Variants in LRRC4C observed in about 807,000 individuals in gnomAD.
LRRC4C encodes leucine rich repeat containing 4C.
Under a neutral mutation model 33.6 loss-of-function variants are expected in LRRC4C, and 5 were observed. That is an observed-to-expected ratio of 0.15 (90% CI 0.08 to 0.31). The LOEUF (loss-of-function observed/expected upper bound fraction) is 0.31. Ranked by LOEUF, LRRC4C falls within the 10% of genes least tolerant of loss-of-function variation. The probability of loss-of-function intolerance (pLI) is 1.00; values close to 1 mark genes in which losing one functional copy is unlikely to be tolerated. For synonymous variants in LRRC4C, 329 were observed against 302.0 expected (o/e 1.09, Z -0.93); for missense variants, 560 against 796.7 (o/e 0.70, Z 3.58).
intron 3 of LRRC4C, among the ~76,000 whole-genome samples, chr11:40,557,729 G>T (rs1002851929): frequency 1.3e-5 from 2 of 151,898 alleles, no homozygotes; most frequent in African/African-American, 2.4e-5. Flanking sequence ...TTAATAGGTA[G>T]TTATTTTTAA....
chr11:40,671,914 T>C (rs1469998923), intron 2 of LRRC4C, among the ~76,000 whole-genome samples: 1 of 152,160 alleles, frequency 6.6e-6, no homozygotes, highest in Non-Finnish European at 1.5e-5. Flanking sequence ...TCTGTCTTAC[T>C]TTCTAAGCAT....
chr11:40,605,869 T>TG (rs1265683048), intron 3 of LRRC4C, among the ~76,000 whole-genome samples: 15 of 152,242 alleles, frequency 9.9e-5, no homozygotes, highest in African/African-American at 3.6e-4. Context: ...AGATAAATAA[T>TG]GGAAGTGTGG....
intron 2 of LRRC4C, among the ~76,000 whole-genome samples, chr11:40,751,785 C>T (rs183938800): frequency 1.3e-5 from 2 of 152,102 alleles, no homozygotes; most frequent in East Asian, 3.9e-4. Context: ...AAAAAGGAGC[C>T]TAAATAGCCA....
chr11:40,128,989 C>T (rs1352814121), intron 6 of LRRC4C, among the ~76,000 whole-genome samples: 2 of 152,142 alleles, frequency 1.3e-5, no homozygotes, highest in Admixed American at 1.3e-4. Context: ...TTCTTACTGC[C>T]TGTCTCACCT....
rs960956930 is a variant in LRRC4C, at chr11:40,703,441, T to G, written c.-406-55163A>C. Among the ~76,000 whole-genome samples, 10 of 152,138 alleles carry G rather than the reference T, an allele frequency of 6.6e-5. No homozygotes were observed. The Middle Eastern group carries it at 0.01, about 155-fold the overall frequency. On this transcript the variant is annotated intron_variant, in intron 2 of 6. Transcript: ENST00000528697. ...AAAAATATAAAAAATTAGCTGAATG[T>G]GGTAATGGGTGCCTGTAGTTCCAGC...
chr11:40,581,942 CTATA>C (rs1482458564), intron 3 of LRRC4C, among the ~76,000 whole-genome samples: 1 of 151,844 alleles, frequency 6.6e-6, no homozygotes, highest in East Asian at 1.9e-4. Context: ...AAGAATAAAA[CTATA>C]TGTGTGAAAA....
intron 2 of LRRC4C, among the ~76,000 whole-genome samples, chr11:40,731,672 A>G (rs1338447018): frequency 7.0e-6 from 1 of 143,022 alleles, no homozygotes; most frequent in East Asian, 1.9e-4. Flanking sequence ...ATTGGTTCAA[A>G]TTGAATACAA....
intron 1 of LRRC4C, among the ~76,000 whole-genome samples, chr11:41,301,488 G>A (rs1047732110): frequency 4.6e-5 from 7 of 151,970 alleles, no homozygotes; most frequent in East Asian, 1.9e-4. Flanking sequence ...TTTCTTTTTC[G>A]TAATGCTATC....
At chr11:40,827,343 A>G (rs922297428) in intron 2 of LRRC4C, among the ~76,000 whole-genome samples, 2 of 151,948 alleles carry the variant, frequency 1.3e-5, no homozygotes, top group African/African-American at 4.8e-5. Context: ...CCATGTGCAG[A>G]GTTACCAGAC....
At chr11:41,233,358 C>CA (rs1408790175) in intron 1 of LRRC4C, among the ~76,000 whole-genome samples, 1 of 151,712 alleles carries the variant, frequency 6.6e-6, no homozygotes, top group Non-Finnish European at 1.5e-5. Flanking sequence ...TATAATATTA[C>CA]AAAAAACCTG....
chr11:41,373,156 T>A (rs1413282863), intron 1 of LRRC4C, among the ~76,000 whole-genome samples: 4 of 152,154 alleles, frequency 2.6e-5, no homozygotes, highest in Non-Finnish European at 5.9e-5. Flanking sequence ...CATAATATAA[T>A]CTCTTGGGCT....
At chr11:41,003,532 C>T (rs1854527065) in intron 1 of LRRC4C, among the ~76,000 whole-genome samples, 6 of 147,760 alleles carry the variant, frequency 4.1e-5, no homozygotes, top group Admixed American at 3.4e-4. Context: ...TTATGTCAAC[C>T]GACAATTATG....
At chr11:41,058,166 G>A (rs1239953970) in intron 1 of LRRC4C, among the ~76,000 whole-genome samples, 1 of 152,116 alleles carries the variant, frequency 6.6e-6, no homozygotes, top group South Asian at 2.1e-4. Flanking sequence ...GATTCTTCAG[G>A]GACCCCAGAC....
intron 1 of LRRC4C, among the ~76,000 whole-genome samples, chr11:41,329,272 G>A (rs1482407470): frequency 6.6e-6 from 1 of 152,158 alleles, no homozygotes; most frequent in African/African-American, 2.4e-5. Flanking sequence ...ATACTCCAAA[G>A]AATCTCAAAT....
chr11:41,267,859 G>A (rs1187985989), intron 1 of LRRC4C, among the ~76,000 whole-genome samples: 1 of 152,056 alleles, frequency 6.6e-6, no homozygotes, highest in Non-Finnish European at 1.5e-5. Flanking sequence ...TGAAATGTAA[G>A]TAAATAATTT....
Position 40,630,330 on chromosome 11 carries a change from C to CTCTTCTTCTTCTTCTTCTTCT in LRRC4C, c.-270+17791_-270+17811dup, listed in dbSNP as rs200043868. 1.3e-3 allele frequency among the ~76,000 whole-genome samples: 181 copies of CTCTTCTTCTTCTTCTTCTTCT among 135,552 alleles called. 2 individuals are homozygous for CTCTTCTTCTTCTTCTTCTTCT. Among genetic ancestry groups the CTCTTCTTCTTCTTCTTCTTCT allele is most frequent in the African/African-American group, 4.8e-3 (171 of 35,976 alleles). The allele number at this position is 135,552 out of a possible 152,430, so 88.9% of individuals were successfully genotyped here. A position where few individuals can be genotyped will look rare whatever the true frequency, so the allele number is the denominator to read the frequency against. On this transcript the variant is annotated intron_variant, in intron 3 of 6. Coordinates refer to ENST00000528697, the MANE Select transcript of LRRC4C (RefSeq NM_001258419.2). Reference sequence around the variant, plus strand: ...TTATTACTTGTTTTCTTTCTTCTTCCTCTTCTTCTTCTTCTTCTTCTTCTT... The same window carrying CTCTTCTTCTTCTTCTTCTTCT: ...TTATTACTTGTTTTCTTTCTTCTTCCTCTTCTTCTTCTTCTTCTTCTTCTTCTTCTTCTTCTTCTTCTTCTT...
intron 6 of LRRC4C, among the ~76,000 whole-genome samples, chr11:40,129,723 AT>A (rs945471006): frequency 6.6e-6 from 1 of 152,168 alleles, no homozygotes; most frequent in African/African-American, 2.4e-5. Flanking sequence ...CATTTGAACC[AT>A]TTATTTAAAA....
intron 1 of LRRC4C, among the ~76,000 whole-genome samples, chr11:41,316,152 T>C (rs1950779026): frequency 6.6e-6 from 1 of 151,348 alleles, no homozygotes; most frequent in Non-Finnish European, 1.5e-5. Context: ...AAAGACAGTA[T>C]AGTCTTTTTT....
intron 6 of LRRC4C, among the ~76,000 whole-genome samples, chr11:40,138,656 T>C (rs753848607): frequency 1.3e-5 from 2 of 152,240 alleles, no homozygotes; most frequent in Non-Finnish European, 2.9e-5. Flanking sequence ...GCAGTGAATT[T>C]TGTAGGGTTA....
Sources: gnomAD v4.1 joint callset for allele counts (sites outside exome capture counted in the v4.1 genomes callset) on GRCh38, gnomAD v4.1.1 for gene constraint, MANE v1.5 for transcripts, NCBI Gene and HGNC (gene_info 2026-07-23, HGNC 2026-07-21) for gene names.